Variants in EBF1 observed in about 807,000 individuals in gnomAD.
EBF1 encodes EBF transcription factor 1, also known as transcription factor COE1.
A neutral mutation model predicts 68.4 loss-of-function variants in EBF1; 10 were observed. The ratio of observed to expected loss-of-function variants is 0.15; its 90% CI spans 0.09 to 0.25. EBF1 has a LOEUF of 0.25. Among genes scored for constraint, EBF1 ranks in the 10% least tolerant of loss-of-function variants. The pLI is 1.00. For synonymous variants in EBF1, 298 were observed against 299.8 expected (o/e 0.99, Z 0.06); for missense variants, 509 against 794.4 (o/e 0.64, Z 4.32).
At chr5:159,003,999 G>T (rs1460982618) in intron 6 of EBF1, among the ~76,000 whole-genome samples, 1 of 152,160 alleles carries the variant, frequency 6.6e-6, no homozygotes, top group East Asian at 1.9e-4. Context: ...TCAGTGGGCT[G>T]GGCACAGTGC....
intron 6 of EBF1, among the ~76,000 whole-genome samples, chr5:158,945,358 G>A (rs1165174909): frequency 6.6e-6 from 1 of 152,130 alleles, no homozygotes; most frequent in African/African-American, 2.4e-5. Context: ...TTTTTGTCAG[G>A]TTTGTCAAAG....
intron 6 of EBF1, among the ~76,000 whole-genome samples, chr5:159,055,819 T>C (rs11741461): frequency 0.35 from 52,968 of 152,044 alleles, 10,234 homozygotes; most frequent in Non-Finnish European, 0.43. Flanking sequence ...AATAGGTGAG[T>C]GCCCTGGGAG....
At chr5:158,714,287 T>A (rs1370022147) in intron 11 of EBF1, 105 bp from the exon 12 acceptor site, 1 of 1,322,492 alleles carries the variant, frequency 7.6e-7, no homozygotes, top group Non-Finnish European at 1.1e-6. Context: ...GCCAAGGCAC[T>A]GCTATAAAGG....
chr5:158,804,997 C>T (rs1582047712), intron 8 of EBF1, among the ~76,000 whole-genome samples: 1 of 152,160 alleles, frequency 6.6e-6, no homozygotes, highest in East Asian at 1.9e-4. Context: ...TCTGATTATA[C>T]AATAAGTAAA....
At chr5:158,724,817 A>G (rs1038232942) in intron 11 of EBF1, among the ~76,000 whole-genome samples, 2 of 152,222 alleles carry the variant, frequency 1.3e-5, no homozygotes, top group Non-Finnish European at 2.9e-5. Context: ...TGCTGTTCCA[A>G]ATGAAAGTGC....
chr5:159,043,009 T>C (rs1478426951), intron 6 of EBF1, among the ~76,000 whole-genome samples: 1 of 152,128 alleles, frequency 6.6e-6, no homozygotes, highest in Non-Finnish European at 1.5e-5. Flanking sequence ...TTATCATAGG[T>C]GAAATAATAA....
intron 6 of EBF1, among the ~76,000 whole-genome samples, chr5:159,008,515 T>C (rs1764002678): frequency 6.8e-6 from 1 of 147,494 alleles, no homozygotes; most frequent in African/African-American, 2.5e-5. Flanking sequence ...TTTCTTTTCT[T>C]TTTCTTTTCT....
At chr5:158,928,042 G>C (rs1810050016) in intron 6 of EBF1, among the ~76,000 whole-genome samples, 1 of 152,142 alleles carries the variant, frequency 6.6e-6, no homozygotes, top group Non-Finnish European at 1.5e-5. Flanking sequence ...AAACATTTAT[G>C]GATCCTACTA....
intron 4 of EBF1, among the ~76,000 whole-genome samples, chr5:159,091,867 A>T (rs1355466355): frequency 1.3e-5 from 2 of 152,166 alleles, no homozygotes; most frequent in Non-Finnish European, 2.9e-5. Context: ...AAATCCATAC[A>T]TACAAGGATT....
chr5:159,096,250 T>C, intron 3 of EBF1, 93 bp downstream of exon 3: 1 of 1,342,734 alleles, frequency 7.4e-7, no homozygotes, highest in African/African-American at 1.5e-5. Flanking sequence ...TGACTGACCT[T>C]CGCTGGAGGA....
intron 8 of EBF1, among the ~76,000 whole-genome samples, chr5:158,802,003 G>A (rs1231088397): frequency 6.6e-6 from 1 of 152,120 alleles, no homozygotes; most frequent in Non-Finnish European, 1.5e-5. Context: ...TTGATAGAAA[G>A]CAAGGGCCAG....
chr5:158,896,864 G>T (rs1438894330), intron 6 of EBF1, among the ~76,000 whole-genome samples: 3 of 151,934 alleles, frequency 2.0e-5, no homozygotes, highest in Non-Finnish European at 4.4e-5. Flanking sequence ...AAAACTGGTT[G>T]CCCCTACCCC....
At chr5:158,806,016 T>G (rs1182634955) in intron 8 of EBF1, among the ~76,000 whole-genome samples, 1 of 152,104 alleles carries the variant, frequency 6.6e-6, no homozygotes, top group Non-Finnish European at 1.5e-5. Flanking sequence ...AATTTGAGCT[T>G]AAACTGGAGT....
rs10581149 is a variant in EBF1 at position 158,803,950 on chromosome 5, CTGTGTG to C, written c.779-7481_779-7476del. 6.0e-3 allele frequency among the ~76,000 whole-genome samples: 783 copies of C among 131,464 alleles called. 3 individuals are homozygous for C. Among genetic ancestry groups the C allele is most frequent in the South Asian group, 0.017 (64 of 3,744 alleles). 86.2% of individuals were successfully genotyped at this position (131,464 alleles called of 152,430 possible). A position where few individuals can be genotyped will look rare whatever the true frequency, so the allele number is the denominator to read the frequency against. On this transcript the variant is annotated intron_variant, in intron 8 of 15. Transcript: ENST00000313708. ...ATATGAAAAAGAGTCGTGTGTGTGT[CTGTGTG>C]TGTGTGTGTGTGTGTGTGTGTGTGT...
At chr5:159,058,862 A>G (rs1775270832) in intron 6 of EBF1, among the ~76,000 whole-genome samples, 1 of 152,226 alleles carries the variant, frequency 6.6e-6, no homozygotes, top group Admixed American at 6.5e-5. Flanking sequence ...TTCATGTCAA[A>G]CACCCTCCAA....
intron 15 of EBF1, among the ~76,000 whole-genome samples, chr5:158,704,053 A>T (rs969284300): frequency 6.6e-5 from 10 of 152,218 alleles, no homozygotes; most frequent in Non-Finnish European, 1.2e-4. Flanking sequence ...AGTCCAGTCA[A>T]TCTGTCTGGG....
At chr5:158,835,875 C>A (rs1350734948) in intron 7 of EBF1, among the ~76,000 whole-genome samples, 1 of 152,146 alleles carries the variant, frequency 6.6e-6, no homozygotes, top group African/African-American at 2.4e-5. Context: ...AACATGATAA[C>A]TCATGTAAAA....
chr5:158,837,447 A>C (rs887525210), intron 7 of EBF1, among the ~76,000 whole-genome samples: 2 of 152,138 alleles, frequency 1.3e-5, no homozygotes, highest in Non-Finnish European at 2.9e-5. Flanking sequence ...GCTTTCTTTC[A>C]TATGTAGTGA....
At position 158,819,596 on chromosome 5, in the gene EBF1, T is replaced by C. The variant is rs527878319; in HGVS notation, c.778+3580A>G. 2.6e-3 allele frequency among the ~76,000 whole-genome samples: 393 copies of C among 152,280 alleles called. 1 individual carries two copies. Among genetic ancestry groups the C allele is most frequent in the African/African-American group, 8.9e-3 (370 of 41,550 alleles). ...CACAGTCTTCATGAACTTGCCCAAA[T>C]GACTGGAAGACAAGGCAAGTACACA... On this transcript the variant is annotated intron_variant, in intron 8 of 15. Transcript: ENST00000313708.
Sources: gnomAD v4.1 joint callset for allele counts (sites outside exome capture counted in the v4.1 genomes callset) on GRCh38, gnomAD v4.1.1 for gene constraint, MANE v1.5 for transcripts, NCBI Gene and HGNC (gene_info 2026-07-23, HGNC 2026-07-21) for gene names.